PPT1: variants seen among roughly 807,000 people sequenced by gnomAD.
PPT1 encodes palmitoyl-protein thioesterase 1.
A neutral mutation model predicts 44.0 loss-of-function variants in PPT1; 24 were observed. That is an observed-to-expected ratio of 0.54 (90% confidence interval 0.39 to 0.77). PPT1 has a LOEUF of 0.77. PPT1 is among the 30% of genes least tolerant of loss of function. The pLI is 0.00. For missense variants in PPT1, 341 were observed against 378.8 expected, an observed-to-expected ratio of 0.90 and a Z score of 0.83; for synonymous variants, 148 against 140.2, an observed-to-expected ratio of 1.06 and a Z score of -0.39.
At position 40,078,606 on chromosome 1, in the gene PPT1, A is replaced by G. The variant is rs1248705875; in HGVS notation, c.680T>C (p.Met227Thr). The G allele has an allele frequency of 2.5e-6, 4 of 1,614,072 alleles. No homozygotes were observed. Among genetic ancestry groups the G allele is most frequent in the Admixed American group, 1.7e-5 (1 of 60,026 alleles). ...AATGGAATCATTGAGGAATTTCACC[A>G]TCACAAACTTCTTCAGGGCCATCAG... ...KNLMALKKFV[M>T]VKFLNDSIVD... Residue 227 changes from methionine to threonine, a missense_variant, in exon 7 of 9, where the codon ATG becomes ACG. Transcript: ENST00000642050.
chr1:40,093,741 C>A (rs1649693696), intron 1 of PPT1, among the ~76,000 whole-genome samples: 1 of 131,854 alleles, frequency 7.6e-6, no homozygotes, highest in African/African-American at 2.7e-5. Context: ...AAAAATTAGC[C>A]GGGTGTGGTG....
chr1:40,078,843 AAAAC>A (rs1242019187), intron 6 of PPT1, 185 bp from the exon 7 acceptor site: 2 of 621,110 alleles, frequency 3.2e-6, no homozygotes, highest in East Asian at 3.3e-5. Flanking sequence ...TTTTTTCTAA[AAAAC>A]AAAATATTTT....
intron 1 of PPT1, among the ~76,000 whole-genome samples, chr1:40,094,977 C>T (rs550906803): frequency 1.3e-5 from 2 of 152,282 alleles, no homozygotes; most frequent in African/African-American, 2.4e-5. Flanking sequence ...TTTGTATTTG[C>T]TGACTCTAAT....
At chr1:40,082,473 C>T (rs917283958) in intron 5 of PPT1, among the ~76,000 whole-genome samples, 1 of 150,536 alleles carries the variant, frequency 6.6e-6, no homozygotes, top group Non-Finnish European at 1.5e-5. Flanking sequence ...TCAGTGAACA[C>T]ACAAATAATA....
intron 8 of PPT1, 28 bp from the exon 9 acceptor site, chr1:40,074,211 A>G: frequency 6.2e-7 from 1 of 1,613,628 alleles, no homozygotes; most frequent in Non-Finnish European, 8.5e-7. Context: ...ATAATTAATT[A>G]AAAAGCTTAA....
In PPT1 at chr1:40,072,759, A is replaced by T. The variant is rs1648289916; in HGVS notation, c.*1302T>A. ...GACAACCTCATAAAATTATTTTCAC[A>T]TCCCCCCCAACTTCTTGCTCTTAAT... On this transcript the variant is annotated 3_prime_UTR_variant, in exon 9 of 9. Coordinates refer to ENST00000642050, the MANE Select transcript of PPT1 (RefSeq NM_000310.4). 6.6e-6 allele frequency: 1 copy of T among 152,246 alleles called. No homozygotes were observed. Among genetic ancestry groups the T allele is most frequent in the Non-Finnish European group, 1.5e-5 (1 of 68,028 alleles). The allele number at this position is 152,246 out of a possible 1,614,324, so 9.4% of individuals were successfully genotyped here.
At chr1:40,084,918 A>T (rs1480820287) in intron 5 of PPT1, among the ~76,000 whole-genome samples, 4 of 152,204 alleles carry the variant, frequency 2.6e-5, no homozygotes, top group Admixed American at 2.6e-4. Context: ...GTCTGGGAAG[A>T]TGTCCGTTGC....
At chr1:40,074,385 CCTTT>C (rs756686056) in intron 8 of PPT1, among the ~76,000 whole-genome samples, 1 of 150,372 alleles carries the variant, frequency 6.7e-6, no homozygotes, top group Non-Finnish European at 1.5e-5. Flanking sequence ...TCTCTTTCTT[CCTTT>C]CTTTTCTTTC....
At chr1:40,075,197 AG>A (rs1648551836) in intron 8 of PPT1, 1 of 152,366 alleles carries the variant, frequency 6.6e-6, no homozygotes, top group African/African-American at 2.4e-5. Flanking sequence ...CGGAGGTTGC[AG>A]TGAGCTGAGA....
chr1:40,072,999 C>T lies in PPT1; in HGVS notation c.*1062G>A, dbSNP rs564499024. Reference sequence around the variant, plus strand: ...AAATAGTGTAGGAAATGGTAGATTACGTTAGTTTTGTTTACTGTAACAGGA... The same window carrying T: ...AAATAGTGTAGGAAATGGTAGATTATGTTAGTTTTGTTTACTGTAACAGGA... On this transcript the variant is annotated 3_prime_UTR_variant, in exon 9 of 9. Coordinates refer to ENST00000642050, the MANE Select transcript of PPT1 (RefSeq NM_000310.4). 1.3e-5 allele frequency: 2 copies of T among 152,282 alleles called. No individual in the cohort carries two copies. Among genetic ancestry groups the T allele is most frequent in the African/African-American group, 4.8e-5 (2 of 41,554 alleles). The allele number at this position is 152,282 out of a possible 1,614,324, so 9.4% of individuals were successfully genotyped here. A position where few individuals can be genotyped will look rare whatever the true frequency, so the allele number is the denominator to read the frequency against.
chr1:40,086,795 G>A (rs1017747734), intron 5 of PPT1, among the ~76,000 whole-genome samples: 4 of 151,598 alleles, frequency 2.6e-5, no homozygotes, highest in African/African-American at 7.2e-5. Context: ...GCGACACAGA[G>A]AGAGAAGCAA....
chr1:40,071,518 A>G (rs780516885), downstream of PPT1: 3 of 1,612,594 alleles, frequency 1.9e-6, no homozygotes, highest in Non-Finnish European at 2.5e-6. Flanking sequence ...CCACAGTGAC[A>G]GAAATTGCTG....
intron 1 of PPT1, among the ~76,000 whole-genome samples, chr1:40,094,648 A>G (rs4660388): frequency 0.65 from 98,409 of 152,028 alleles, 32,593 homozygotes; most frequent in Non-Finnish European, 0.72. Context: ...AACTAGGAAC[A>G]GGAAGCAAAC....
rs757350622 is a variant in PPT1 at position 40,078,543 on chromosome 1, C to T, written c.726+17G>A. The T allele has an allele frequency of 3.1e-6, 5 of 1,608,034 alleles. No individual in the cohort carries two copies. The highest frequency in any genetic ancestry group is 4.3e-6 in the Non-Finnish European group (5 of 1,174,662). On this transcript the variant is annotated intron_variant, in intron 7 of 8. Transcript: ENST00000642050. ...TGCCATTTACTCTCCTGGCATGTGG[C>T]CTAAGTAGTGTCTCACCTCCGAATC...
Position 40,074,201 on chromosome 1 carries a change from A to C in PPT1, c.799-18T>G. 1 of 1,613,834 alleles carries C rather than the reference A, an allele frequency of 6.2e-7. No individual in the cohort carries two copies. Among genetic ancestry groups the C allele is most frequent in the African/African-American group, 1.3e-5 (1 of 75,042 alleles). On this transcript the variant is annotated intron_variant, in intron 8 of 8. Transcript: ENST00000642050. ...AGGCGGTCCTGCAGAAGGAAAGGCCATAATTAATTAAAAAGCTTAATGAAG... is the reference window on the plus strand; with the variant it reads ...AGGCGGTCCTGCAGAAGGAAAGGCCCTAATTAATTAAAAAGCTTAATGAAG...
At chr1:40,090,876 C>T (rs906212667) in intron 4 of PPT1, among the ~76,000 whole-genome samples, 1 of 152,212 alleles carries the variant, frequency 6.6e-6, no homozygotes, top group Admixed American at 6.5e-5. Flanking sequence ...ATTCTAATGA[C>T]ACATCCTTCC....
chr1:40,079,321 T>C (rs1304266787), intron 6 of PPT1, among the ~76,000 whole-genome samples: 1 of 152,100 alleles, frequency 6.6e-6, no homozygotes, highest in Non-Finnish European at 1.5e-5. Context: ...AAGTGTCTTT[T>C]TGGCAGGACA....
intron 5 of PPT1, among the ~76,000 whole-genome samples, chr1:40,081,178 G>A (rs1421641321): frequency 6.6e-6 from 1 of 152,016 alleles, no homozygotes; most frequent in African/African-American, 2.4e-5. Flanking sequence ...GAATTACAGG[G>A]GTGGGTCTTT....
intron 4 of PPT1, among the ~76,000 whole-genome samples, chr1:40,090,172 T>A (rs1649482030): frequency 6.6e-6 from 1 of 151,962 alleles, no homozygotes; most frequent in Non-Finnish European, 1.5e-5. Flanking sequence ...TGGGTCTTGC[T>A]ATGTTGCCTA....
Sources: allele counts gnomAD v4.1 joint callset (sites outside exome capture counted in the v4.1 genomes callset), GRCh38; gene constraint gnomAD v4.1.1; transcripts MANE v1.5; gene names NCBI Gene and HGNC (gene_info 2026-07-23, HGNC 2026-07-21).